Variants in RALYL observed in about 807,000 individuals in gnomAD.
The protein encoded by RALYL is RALY RNA binding protein like, also known as RNA-binding Raly-like protein.
Under a neutral mutation model 35.1 loss-of-function variants are expected in RALYL, and 29 were observed. The ratio of observed to expected loss-of-function variants is 0.83; its 90% CI spans 0.61 to 1.13. The LOEUF is 1.13. RALYL is among the 50% of genes most tolerant of loss of function. The probability of loss-of-function intolerance (pLI) is 0.00; values close to 1 mark genes in which losing one functional copy is unlikely to be tolerated. For missense variants in RALYL, 359 were observed against 360.4 expected, an observed-to-expected ratio of 1.00 and a Z score of 0.03; for synonymous variants, 120 against 127.6, an observed-to-expected ratio of 0.94 and a Z score of 0.40.
intron 8 of RALYL, among the ~76,000 whole-genome samples, chr8:84,894,388 A>G (rs1224513628): frequency 2.0e-5 from 3 of 152,210 alleles, no homozygotes; most frequent in Non-Finnish European, 4.4e-5. Context: ...GTAGTACTCA[A>G]TCTGTTGGAT....
intron 2 of RALYL, among the ~76,000 whole-genome samples, chr8:84,755,872 G>GT (rs1811268320): frequency 7.6e-6 from 1 of 132,142 alleles, no homozygotes; most frequent in Admixed American, 7.1e-5. Context: ...GTGGCATATT[G>GT]TAAAAAAAAA....
chr8:84,352,618 A>G (rs1851125864), intron 1 of RALYL, among the ~76,000 whole-genome samples: 1 of 150,440 alleles, frequency 6.6e-6, no homozygotes, highest in Non-Finnish European at 1.5e-5. Flanking sequence ...GGCCGTTTTT[A>G]GAAACTATTA....
chr8:84,730,142 A>G (rs1292560898), intron 2 of RALYL, among the ~76,000 whole-genome samples: 3 of 152,146 alleles, frequency 2.0e-5, no homozygotes, highest in African/African-American at 7.2e-5. Flanking sequence ...TCAATAAAAT[A>G]CTGGCAAACC....
At chr8:84,876,907 C>A (rs1300298027) in intron 7 of RALYL, among the ~76,000 whole-genome samples, 1 of 152,126 alleles carries the variant, frequency 6.6e-6, no homozygotes, top group Non-Finnish European at 1.5e-5. Context: ...AAACAAATCT[C>A]AAAATATGAG....
chr8:84,864,028 C>T (rs1838654662), intron 6 of RALYL, among the ~76,000 whole-genome samples: 1 of 152,054 alleles, frequency 6.6e-6, no homozygotes, highest in Admixed American at 6.5e-5. Flanking sequence ...AAAAAATAAA[C>T]CATGAAGGGA....
intron 4 of RALYL, among the ~76,000 whole-genome samples, chr8:84,836,105 T>C (rs116573949): frequency 6.6e-5 from 10 of 152,268 alleles, no homozygotes; most frequent in African/African-American, 1.9e-4. Flanking sequence ...AGTAACAACA[T>C]ACCCCATTCA....
At chr8:84,217,081 C>T (rs946315910) in intron 1 of RALYL, among the ~76,000 whole-genome samples, 4 of 152,120 alleles carry the variant, frequency 2.6e-5, no homozygotes, top group Admixed American at 6.6e-5. Context: ...CTGCTCATCC[C>T]TGAACACAGC....
chr8:84,424,081 A>T (rs2046030580), intron 1 of RALYL, among the ~76,000 whole-genome samples: 1 of 151,846 alleles, frequency 6.6e-6, no homozygotes, highest in Non-Finnish European at 1.5e-5. Flanking sequence ...TATTTCCTGA[A>T]TCTGAACATT....
At chr8:84,360,225 A>G (rs1056206790) in intron 1 of RALYL, among the ~76,000 whole-genome samples, 3 of 152,196 alleles carry the variant, frequency 2.0e-5, no homozygotes, top group Non-Finnish European at 4.4e-5. Flanking sequence ...TATCCTTTGA[A>G]CTTTTTAGAG....
At chr8:84,595,804 A>G (rs1814388324) in intron 2 of RALYL, among the ~76,000 whole-genome samples, 1 of 149,822 alleles carries the variant, frequency 6.7e-6, no homozygotes, top group East Asian at 2.0e-4. Flanking sequence ...AAATCAGAGC[A>G]AATGGGATTT....
chr8:84,561,754 T>C (rs996002354), intron 2 of RALYL, among the ~76,000 whole-genome samples: 1 of 151,898 alleles, frequency 6.6e-6, no homozygotes, highest in African/African-American at 2.4e-5. Context: ...GAAGACAGCA[T>C]GGATACACTA....
chr8:84,565,802 T>C (rs1232650303), intron 2 of RALYL, among the ~76,000 whole-genome samples: 1 of 151,658 alleles, frequency 6.6e-6, no homozygotes, highest in Non-Finnish European at 1.5e-5. Flanking sequence ...CCTGAATAAT[T>C]TACGTAACTT....
intron 1 of RALYL, among the ~76,000 whole-genome samples, chr8:84,499,555 A>G (rs1009669660): frequency 4.6e-5 from 7 of 152,278 alleles, no homozygotes; most frequent in South Asian, 2.1e-4. Context: ...GACCTGTTAT[A>G]TAATGTACTT....
At chr8:84,644,258 C>A (rs899702482) in intron 2 of RALYL, among the ~76,000 whole-genome samples, 11 of 152,108 alleles carry the variant, frequency 7.2e-5, no homozygotes, top group Admixed American at 6.5e-4. Context: ...AGGCTAGACT[C>A]TTTAGCCTAA....
intron 2 of RALYL, among the ~76,000 whole-genome samples, chr8:84,583,506 TAATC>T (rs1811313604): frequency 6.6e-6 from 1 of 152,132 alleles, no homozygotes; most frequent in Non-Finnish European, 1.5e-5. Context: ...ATTTAATAAA[TAATC>T]AAATGTTAGA....
chr8:84,375,302 A>G (rs1189432995), intron 1 of RALYL, among the ~76,000 whole-genome samples: 7 of 151,878 alleles, frequency 4.6e-5, no homozygotes, highest in Admixed American at 3.3e-4. Flanking sequence ...ACTGTGGTGG[A>G]TACAAACTGT....
chr8:84,618,240 G>C (rs1172314940), intron 2 of RALYL, among the ~76,000 whole-genome samples: 2 of 151,704 alleles, frequency 1.3e-5, no homozygotes, highest in Non-Finnish European at 2.9e-5. Flanking sequence ...TTTTTGGTTG[G>C]TAAGCTATTG....
At chr8:84,469,960 C>T (rs542541483) in intron 1 of RALYL, among the ~76,000 whole-genome samples, 93 of 152,302 alleles carry the variant, frequency 6.1e-4, no homozygotes, top group African/African-American at 2.0e-3. Context: ...TGACCCCTTG[C>T]GCTTCCCAAG....
intron 1 of RALYL, among the ~76,000 whole-genome samples, chr8:84,453,531 A>T (rs1354311764): frequency 6.6e-6 from 1 of 152,012 alleles, no homozygotes; most frequent in African/African-American, 2.4e-5. Context: ...ATCTAACGAG[A>T]GAGAGAAATA....
Sources: allele counts gnomAD v4.1 joint callset (sites outside exome capture counted in the v4.1 genomes callset), GRCh38; gene constraint gnomAD v4.1.1; transcripts MANE v1.5; gene names NCBI Gene and HGNC (gene_info 2026-07-23, HGNC 2026-07-21).